Variants in CPS1 observed in about 807,000 individuals in gnomAD.
CPS1 encodes carbamoyl-phosphate synthase 1.
A neutral mutation model predicts 174.6 loss-of-function variants in CPS1; 109 were observed. The ratio of observed to expected loss-of-function variants is 0.62; its 90% CI spans 0.53 to 0.73. The LOEUF (loss-of-function observed/expected upper bound fraction) is 0.73, where lower values mean the gene tolerates loss of function less well. Ranked by LOEUF, CPS1 falls within the 30% of genes least tolerant of loss-of-function variation. CPS1 has a pLI of 0.00. For missense variants in CPS1, 1,689 were observed against 1,821.9 expected, an observed-to-expected ratio of 0.93 and a Z score of 1.33; for synonymous variants, 637 against 632.0, an observed-to-expected ratio of 1.01 and a Z score of -0.12.
chr2:210,611,592 TC>T (rs1207340135), intron 19 of CPS1, among the ~76,000 whole-genome samples: 2 of 151,952 alleles, frequency 1.3e-5, no homozygotes, highest in African/African-American at 4.8e-5. Flanking sequence ...AAAATCATAA[TC>T]ATCAGTATTT....
At chr2:210,615,974 G>A (rs1021508110) in intron 20 of CPS1, among the ~76,000 whole-genome samples, 1 of 151,990 alleles carries the variant, frequency 6.6e-6, no homozygotes, top group African/African-American at 2.4e-5. Flanking sequence ...TGTGGAGTGA[G>A]GTGATAAAAA....
At chr2:210,518,073 A>G (rs1695728543) in intron 1 of CPS1, among the ~76,000 whole-genome samples, 1 of 151,976 alleles carries the variant, frequency 6.6e-6, no homozygotes, top group Non-Finnish European at 1.5e-5. Context: ...AGAACCATAT[A>G]TGGTTCTCTA....
At chr2:210,540,246 T>C (rs1265516239) in intron 1 of CPS1, among the ~76,000 whole-genome samples, 1 of 152,214 alleles carries the variant, frequency 6.6e-6, no homozygotes, top group Non-Finnish European at 1.5e-5. Flanking sequence ...TTTTTCTTTC[T>C]CTTTGCCTTC....
At chr2:210,478,420 C>T (rs892762549) in intron 1 of CPS1, among the ~76,000 whole-genome samples, 1 of 152,118 alleles carries the variant, frequency 6.6e-6, no homozygotes, top group African/African-American at 2.4e-5. Context: ...TTGGGCTTTA[C>T]CTGTTCCTTT....
At chr2:210,584,907 A>T (rs902323076) in intron 6 of CPS1, among the ~76,000 whole-genome samples, 1 of 152,022 alleles carries the variant, frequency 6.6e-6, no homozygotes, top group African/African-American at 2.4e-5. Context: ...CAAGGCCTGA[A>T]TATGTTTGTT....
chr2:210,548,995 G>A (rs1696643252), intron 1 of CPS1, among the ~76,000 whole-genome samples: 1 of 152,066 alleles, frequency 6.6e-6, no homozygotes. Context: ...CTACAAAAGG[G>A]GGTGGAGTAG....
intron 1 of CPS1, among the ~76,000 whole-genome samples, chr2:210,512,971 TATATATATATGGAGAG>T (rs1205917844): frequency 4.7e-5 from 2 of 42,134 alleles, no homozygotes; most frequent in African/African-American, 1.1e-4. Context: ...TATATGGAGA[TATATATATATGGAGAG>T]ATATATATAT....
Position 210,583,795 on chromosome 2 carries a change from A to G in CPS1, c.621+1086A>G, listed in dbSNP as rs375979063. Among the ~76,000 whole-genome samples, 16 of 152,092 alleles carry G rather than the reference A, an allele frequency of 1.1e-4. 1 individual carries two copies. Among genetic ancestry groups the G allele is most frequent in the African/African-American group, 3.9e-4 (16 of 41,430 alleles). Reference sequence around the variant, plus strand: ...TCAGCACTTCCAGAAACTATTGTCAACTCATTTGGTGTCATTTTGGAGCAA... The same window carrying G: ...TCAGCACTTCCAGAAACTATTGTCAGCTCATTTGGTGTCATTTTGGAGCAA... On this transcript the variant is annotated intron_variant, in intron 6 of 37. Coordinates refer to ENST00000233072, the MANE Select transcript of CPS1 (RefSeq NM_001875.5).
intron 1 of CPS1, among the ~76,000 whole-genome samples, chr2:210,501,871 G>T (rs1007139041): frequency 1.8e-4 from 28 of 152,132 alleles, no homozygotes; most frequent in Admixed American, 1.5e-3. Context: ...CCATTACCCA[G>T]TACCAAGTTA....
chr2:210,653,942 T>C (rs1343189987), intron 28 of CPS1, 83 bp from the exon 29 acceptor site: 3 of 1,084,910 alleles, frequency 2.8e-6, no homozygotes, highest in Non-Finnish European at 4.3e-6. Context: ...CTGATACTTA[T>C]AATACTTAAA....
intron 1 of CPS1, among the ~76,000 whole-genome samples, chr2:210,481,926 A>T (rs1694579859): frequency 6.6e-6 from 1 of 152,214 alleles, no homozygotes; most frequent in African/African-American, 2.4e-5. Context: ...TGACCATGCT[A>T]CTGGTCAGCC....
At chr2:210,667,893 C>T (rs1156988162) in intron 33 of CPS1, among the ~76,000 whole-genome samples, 2 of 152,128 alleles carry the variant, frequency 1.3e-5, no homozygotes, top group Non-Finnish European at 2.9e-5. Context: ...TATGTTGCTC[C>T]ATTGAGTGTT....
In CPS1 at chr2:210,504,432, G is replaced by A. The variant is rs6707442; in HGVS notation, c.3+26666G>A. Among the ~76,000 whole-genome samples the A allele has an allele frequency of 2.0e-3, 302 of 152,322 alleles. 1 individual carries two copies. Among genetic ancestry groups the A allele is most frequent in the African/African-American group, 7.1e-3 (294 of 41,582 alleles). ...GTTTTAATCACTTGTCATATGTTGT[G>A]TCATTAATCCTCACATCAGTGTCAT... On this transcript the variant is annotated intron_variant, in intron 1 of 38. Transcript: ENST00000430249.
At chr2:210,572,118 T>C (rs968109295) in intron 1 of CPS1, among the ~76,000 whole-genome samples, 1 of 151,978 alleles carries the variant, frequency 6.6e-6, no homozygotes, top group Non-Finnish European at 1.5e-5. Context: ...TTTCTCTATA[T>C]GCCTGTCTAT....
chr2:210,624,763 A>G (rs1316051893), intron 21 of CPS1, among the ~76,000 whole-genome samples: 2 of 152,052 alleles, frequency 1.3e-5, no homozygotes, highest in Admixed American at 6.6e-5. Flanking sequence ...TTTGTGAGAG[A>G]GTACTTCCGA....
chr2:210,652,927 C>T (rs1046250685), intron 28 of CPS1, among the ~76,000 whole-genome samples: 1 of 152,096 alleles, frequency 6.6e-6, no homozygotes, highest in African/African-American at 2.4e-5. Context: ...GAAAGAACCA[C>T]GAATGAGCTG....
chr2:210,495,533 A>G (rs1694971538), intron 1 of CPS1, among the ~76,000 whole-genome samples: 1 of 152,188 alleles, frequency 6.6e-6, no homozygotes, highest in African/African-American at 2.4e-5. Context: ...CTCTGTCCCC[A>G]GCTTTTCTTC....
At chr2:210,616,063 T>C (rs1041562331) in intron 20 of CPS1, among the ~76,000 whole-genome samples, 1 of 152,056 alleles carries the variant, frequency 6.6e-6, no homozygotes, top group Non-Finnish European at 1.5e-5. Context: ...TCTTACCAAT[T>C]TGGCTTAACT....
chr2:210,489,016 A>G (rs1195536798), intron 1 of CPS1, among the ~76,000 whole-genome samples: 1 of 152,180 alleles, frequency 6.6e-6, no homozygotes, highest in Non-Finnish European at 1.5e-5. Flanking sequence ...ACAATAGATT[A>G]TTAAGAATTA....
Sources: allele counts gnomAD v4.1 joint callset (sites outside exome capture counted in the v4.1 genomes callset), GRCh38; gene constraint gnomAD v4.1.1; transcripts MANE v1.5; gene names NCBI Gene and HGNC (gene_info 2026-07-23, HGNC 2026-07-21).